The following CYRIA variants were observed in gnomAD, a reference collection of about 807,000 sequenced individuals.
CYRIA encodes CYFIP related Rac1 interactor A.
A neutral mutation model predicts 43.9 loss-of-function variants in CYRIA; 15 were observed. That is an observed-to-expected ratio of 0.34 (90% confidence interval 0.23 to 0.53). The LOEUF is 0.53. Ranked by LOEUF, CYRIA falls within the 20% of genes least tolerant of loss-of-function variation. The pLI, the probability that CYRIA is intolerant of heterozygous loss-of-function variation, is 0.94. For missense variants in CYRIA, 236 were observed against 394.2 expected (o/e 0.60, Z 3.40); for synonymous variants, 117 against 136.0 (o/e 0.86, Z 0.97).
intron 2 of CYRIA, among the ~76,000 whole-genome samples, chr2:16,606,962 C>CA (rs138958410): frequency 0.015 from 2,257 of 150,086 alleles, 78 homozygotes; most frequent in African/African-American, 0.053. Context: ...GGTACCGAAA[C>CA]AAAAAAAAAT....
intron 1 of CYRIA, among the ~76,000 whole-genome samples, chr2:16,647,443 A>G (rs1198980702): frequency 2.6e-5 from 4 of 152,162 alleles, no homozygotes; most frequent in Admixed American, 2.6e-4. Flanking sequence ...GCAAGAATGT[A>G]AGCTCCTCTT....
intron 2 of CYRIA, among the ~76,000 whole-genome samples, chr2:16,621,573 C>A (rs1440783969): frequency 6.6e-6 from 1 of 152,190 alleles, no homozygotes; most frequent in Non-Finnish European, 1.5e-5. Context: ...CCTTTCTGCC[C>A]TCGCTTCATT....
At chr2:16,556,167 T>C (rs928739997) in intron 10 of CYRIA, among the ~76,000 whole-genome samples, 1 of 152,146 alleles carries the variant, frequency 6.6e-6, no homozygotes, top group Non-Finnish European at 1.5e-5. Context: ...ATTGTGCTTC[T>C]TGCATGTCAA....
At chr2:16,628,900 T>G (rs1669241271) in intron 1 of CYRIA, among the ~76,000 whole-genome samples, 1 of 152,212 alleles carries the variant, frequency 6.6e-6, no homozygotes, top group Non-Finnish European at 1.5e-5. Context: ...TGATGCCACT[T>G]GGTTATAAAG....
At chr2:16,641,633 G>C (rs1315791836) in intron 1 of CYRIA, among the ~76,000 whole-genome samples, 5 of 152,212 alleles carry the variant, frequency 3.3e-5, no homozygotes, top group Non-Finnish European at 2.9e-5. Context: ...AAAATACCAA[G>C]TTTAACTTTG....
chr2:16,655,050 G>C (rs762041521), intron 1 of CYRIA, among the ~76,000 whole-genome samples: 2 of 152,214 alleles, frequency 1.3e-5, no homozygotes, highest in African/African-American at 2.4e-5. Flanking sequence ...AAGGGAGAAA[G>C]AGGGACGAGG....
chr2:16,553,520 G>T (rs1362606397), intron 11 of CYRIA, among the ~76,000 whole-genome samples: 1 of 152,086 alleles, frequency 6.6e-6, no homozygotes. Flanking sequence ...TGCAAAAGAA[G>T]GAAAAGAGAA....
At chr2:16,642,420 C>A (rs1250077554) in intron 1 of CYRIA, among the ~76,000 whole-genome samples, 13 of 152,210 alleles carry the variant, frequency 8.5e-5, no homozygotes, top group Admixed American at 7.9e-4. Flanking sequence ...TCAGAAAATT[C>A]TTTTGCCTTT....
intron 3 of CYRIA, among the ~76,000 whole-genome samples, chr2:16,568,227 G>GAAAAAAA (rs71400699): frequency 3.4e-5 from 3 of 88,726 alleles, no homozygotes; most frequent in Non-Finnish European, 4.7e-5. Flanking sequence ...TTCAAAATCA[G>GAAAAAAA]AAAAAAAAAA....
intron 3 of CYRIA, among the ~76,000 whole-genome samples, chr2:16,579,903 T>C (rs1572475985): frequency 6.6e-6 from 1 of 152,062 alleles, no homozygotes. Context: ...TAAACATATA[T>C]GTAAACATTA....
intron 3 of CYRIA, among the ~76,000 whole-genome samples, chr2:16,566,200 C>T (rs1398030544): frequency 6.6e-6 from 1 of 152,112 alleles, no homozygotes; most frequent in Non-Finnish European, 1.5e-5. Context: ...ACCATCTTAG[C>T]CACTTTTAAG....
At chr2:16,588,160 T>C (rs922944071) in intron 2 of CYRIA, 31 bp from the exon 3 acceptor site, 2 of 1,411,820 alleles carry the variant, frequency 1.4e-6, no homozygotes, top group Non-Finnish European at 2.0e-6. Flanking sequence ...CCAAATACCA[T>C]TAGCAACATA....
chr2:16,571,527 C>G (rs1667127076), intron 3 of CYRIA, among the ~76,000 whole-genome samples: 2 of 152,200 alleles, frequency 1.3e-5, no homozygotes, highest in Admixed American at 1.3e-4. Flanking sequence ...TCAAATGCAC[C>G]AGTAACATAT....
chr2:16,656,087 G>A (rs1670103899), intron 1 of CYRIA, among the ~76,000 whole-genome samples: 1 of 152,152 alleles, frequency 6.6e-6, no homozygotes, highest in Non-Finnish European at 1.5e-5. Context: ...CTTGTCCAGA[G>A]AGTGCCTGGC....
In CYRIA at chr2:16,568,185, G is replaced by A. The variant is rs561011451; in HGVS notation, c.71-2418C>T. 9.4e-5 allele frequency among the ~76,000 whole-genome samples: 14 copies of A among 149,090 alleles called. No homozygotes were observed. The South Asian group carries it at 3.0e-3, about 32-fold the overall frequency. On this transcript the variant is annotated intron_variant, in intron 3 of 11. Coordinates refer to ENST00000381323, the MANE Select transcript of CYRIA (RefSeq NM_030797.4). Reference sequence around the variant, plus strand: ...TTTGCATTTCAGCTTATTGGATTTGGGATGCTCAGCTGGTAAGTATAATGC... The same window carrying A: ...TTTGCATTTCAGCTTATTGGATTTGAGATGCTCAGCTGGTAAGTATAATGC...
At chr2:16,565,547 C>T in intron 4 of CYRIA, 99 bp downstream of exon 4, 1 of 1,314,520 alleles carries the variant, frequency 7.6e-7, no homozygotes, top group South Asian at 2.0e-5. Context: ...CTAGGAAATA[C>T]TGTAGCTATT....
At chr2:16,648,381 G>T (rs1435119270) in intron 1 of CYRIA, among the ~76,000 whole-genome samples, 1 of 149,386 alleles carries the variant, frequency 6.7e-6, no homozygotes, top group Non-Finnish European at 1.5e-5. Flanking sequence ...CAGCCCCAAA[G>T]AAAGACACAA....
At chr2:16,612,905 C>A (rs1356048385) in intron 2 of CYRIA, among the ~76,000 whole-genome samples, 1 of 152,266 alleles carries the variant, frequency 6.6e-6, no homozygotes, top group African/African-American at 2.4e-5. Context: ...TGGCACTTCC[C>A]CCCCATACTG....
intron 1 of CYRIA, among the ~76,000 whole-genome samples, chr2:16,665,082 T>G (rs1351988106): frequency 1.3e-5 from 2 of 152,194 alleles, no homozygotes; most frequent in East Asian, 3.9e-4. Flanking sequence ...TGGCCCATTT[T>G]GACAGAGAAT....
Sources: allele counts gnomAD v4.1 joint callset (sites outside exome capture counted in the v4.1 genomes callset), GRCh38; gene constraint gnomAD v4.1.1; transcripts MANE v1.5; gene names NCBI Gene and HGNC (gene_info 2026-07-23, HGNC 2026-07-21).